Variants in NMNAT1 observed in about 807,000 individuals in gnomAD.
NMNAT1 encodes the protein nicotinamide nucleotide adenylyltransferase 1, also known as nicotinamide/nicotinic acid mononucleotide adenylyltransferase 1.
A neutral mutation model predicts 16.7 loss-of-function variants in NMNAT1; 11 were observed. That is an observed-to-expected ratio of 0.66 (90% confidence interval 0.41 to 1.09). NMNAT1 has a LOEUF of 1.09. Ranked by LOEUF, NMNAT1 falls within the 50% of genes least tolerant of loss-of-function variation. NMNAT1 has a pLI of 0.00. For missense variants in NMNAT1, 280 were observed against 332.3 expected, an observed-to-expected ratio of 0.84 and a Z score of 1.22; for synonymous variants, 110 against 119.8, an observed-to-expected ratio of 0.92 and a Z score of 0.53.
chr1:9,977,288 T>C (rs1010854936), intron 3 of NMNAT1, among the ~76,000 whole-genome samples: 1 of 152,000 alleles, frequency 6.6e-6, no homozygotes, highest in Non-Finnish European at 1.5e-5. Flanking sequence ...GGCCTCGCTA[T>C]GTTGCCTATG....
In NMNAT1 at chr1:9,982,597, G is replaced by C. The variant is rs747653875; in HGVS notation, c.736G>C (p.Glu246Gln). ...CTACTTGGTACCAGATCTTGTCCAA[G>C]AATACATTGAAAAGCATAATTTGTA... is the stretch of plus-strand genomic sequence containing the variant. ...IRYLVPDLVQ[E>Q]YIEKHNLYSS... The change falls in exon 5 of 5, where the codon GAA becomes CAA. Residue 246 changes from glutamate (E) to glutamine (Q), a missense_variant. By Grantham distance (29) the Glu-to-Gln change is conservative. Coordinates refer to ENST00000377205, the MANE Select transcript of NMNAT1 (RefSeq NM_022787.4). 6 of 1,614,122 alleles carry C rather than the reference G, an allele frequency of 3.7e-6. No individual in the cohort carries two copies. The East Asian group carries it at 1.1e-4, about 30-fold the overall frequency.
At chr1:9,971,316 A>AT (rs998814583) in intron 1 of NMNAT1, among the ~76,000 whole-genome samples, 29 of 149,774 alleles carry the variant, frequency 1.9e-4, no homozygotes, top group Non-Finnish European at 2.8e-4. Context: ...ATTGAAGCCA[A>AT]TTTTTTTTTT....
the NMNAT1 span, among the ~76,000 whole-genome samples, chr1:9,996,309 C>CAAAAAAAAA: frequency 9.8e-6 from 1 of 101,914 alleles, no homozygotes; most frequent in African/African-American, 3.8e-5. Flanking sequence ...GACTCCGTCT[C>CAAAAAAAAA]AAAAAAAAAA....
chr1:9,949,294 C>T (rs545996579), intron 1 of NMNAT1, among the ~76,000 whole-genome samples: 51 of 150,718 alleles, frequency 3.4e-4, no homozygotes, highest in African/African-American at 1.1e-3. Flanking sequence ...AGACAAAACA[C>T]AATGCAGGTC....
chr1:9,946,261 G>T (rs958119556), intron 1 of NMNAT1, among the ~76,000 whole-genome samples: 8 of 152,178 alleles, frequency 5.3e-5, no homozygotes, highest in African/African-American at 1.9e-4. Flanking sequence ...ATGCATAAGA[G>T]AAATGCATTC....
intron 1 of NMNAT1, among the ~76,000 whole-genome samples, chr1:9,959,054 C>T (rs1421033110): frequency 3.9e-5 from 6 of 152,070 alleles, no homozygotes; most frequent in African/African-American, 9.7e-5. Context: ...TTTGAGATTA[C>T]GTGTACGTAG....
intron 1 of NMNAT1, among the ~76,000 whole-genome samples, chr1:9,964,685 A>C (rs553784314): frequency 2.0e-5 from 3 of 152,274 alleles, no homozygotes; most frequent in Admixed American, 2.0e-4. Context: ...ACGGTGGCTC[A>C]TGCCTCTAAT....
chr1:9,986,551 G>A (rs2101721331), downstream of NMNAT1, among the ~76,000 whole-genome samples: 1 of 152,136 alleles, frequency 6.6e-6, no homozygotes, highest in East Asian at 1.9e-4. Context: ...GCGTAACATA[G>A]CAAGATCCTA....
the NMNAT1 span, among the ~76,000 whole-genome samples, chr1:9,996,320 A>G: frequency 1.5e-4 from 23 of 150,650 alleles, no homozygotes; most frequent in African/African-American, 4.2e-4. Context: ...AAAAAAAAAA[A>G]AAAAAAGAAA....
chr1:9,965,657 C>T (rs1257154033), intron 1 of NMNAT1, among the ~76,000 whole-genome samples: 1 of 152,016 alleles, frequency 6.6e-6, no homozygotes, highest in Non-Finnish European at 1.5e-5. Context: ...TCTGCTTTGA[C>T]CTCCCAAAGT....
rs115782858 is a variant in NMNAT1 at position 9,974,197 on chromosome 1, A to C, written c.116-1395A>C. On this transcript the variant is annotated intron_variant, in intron 2 of 4. Coordinates refer to ENST00000377205, the MANE Select transcript of NMNAT1 (RefSeq NM_022787.4). The stretch of plus-strand genomic sequence containing the variant: ...CTTCTTTGTATGAATTTATATGCAA[A>C]CATTTGTGTGTATACACAGATTTTT... 3.3e-3 allele frequency among the ~76,000 whole-genome samples: 499 copies of C among 152,048 alleles called. 6 individuals are homozygous for C. Among genetic ancestry groups the C allele is most frequent in the African/African-American group, 0.011 (452 of 41,488 alleles).
intron 1 of NMNAT1, among the ~76,000 whole-genome samples, chr1:9,946,320 C>T (rs541715983): frequency 6.0e-4 from 91 of 152,176 alleles, no homozygotes; most frequent in African/African-American, 2.1e-3. Flanking sequence ...AGAGAAGAAA[C>T]TGGAGAAAGA....
chr1:9,952,278 G>C (rs1285716239), intron 1 of NMNAT1: 1 of 151,968 alleles, frequency 6.6e-6, no homozygotes, highest in Non-Finnish European at 1.5e-5. Flanking sequence ...CTCCAGCTGG[G>C]GTGACAGAGT....
At chr1:9,948,653 T>TA (rs948603015) in intron 1 of NMNAT1, among the ~76,000 whole-genome samples, 12 of 145,790 alleles carry the variant, frequency 8.2e-5, no homozygotes, top group Admixed American at 7.5e-4. Flanking sequence ...ACTTCAGAAT[T>TA]TTTTTTTTTT....
chr1:9,947,097 A>T (rs1294913775), intron 1 of NMNAT1, among the ~76,000 whole-genome samples: 1 of 152,034 alleles, frequency 6.6e-6, no homozygotes, highest in Non-Finnish European at 1.5e-5. Context: ...ACTTATTGTC[A>T]CCACTTGGAT....
chr1:9,960,386 G>T (rs746630238), intron 1 of NMNAT1, among the ~76,000 whole-genome samples: 4 of 152,078 alleles, frequency 2.6e-5, no homozygotes, highest in Non-Finnish European at 5.9e-5. Flanking sequence ...TTTTGGCCAG[G>T]TGTGGTGGCT....
chr1:9,990,268 C>T (rs1410177180), downstream of NMNAT1, among the ~76,000 whole-genome samples: 2 of 152,114 alleles, frequency 1.3e-5, no homozygotes, highest in East Asian at 1.9e-4. Flanking sequence ...ACACTGTCAT[C>T]GGGGACCCGG....
At chr1:9,960,141 C>T (rs1641368654) in intron 1 of NMNAT1, among the ~76,000 whole-genome samples, 1 of 151,986 alleles carries the variant, frequency 6.6e-6, no homozygotes, top group African/African-American at 2.4e-5. Flanking sequence ...ACTTTTTAGC[C>T]AGGAGTGATG....
At chr1:9,943,017 T>C (rs1640837219), upstream of NMNAT1, 3 of 326,006 alleles carry the variant, frequency 9.2e-6, no homozygotes, top group Admixed American at 3.8e-5. Flanking sequence ...ACCCAGAGGC[T>C]TGGAAAAGGT....
Sources: gnomAD v4.1 joint callset for allele counts (sites outside exome capture counted in the v4.1 genomes callset) on GRCh38, gnomAD v4.1.1 for gene constraint, MANE v1.5 for transcripts, NCBI Gene and HGNC (gene_info 2026-07-23, HGNC 2026-07-21) for gene names.